Variants in TAF4 observed in about 807,000 individuals in gnomAD.
The protein encoded by TAF4 is TATA-box binding protein associated factor 4, also known as transcription initiation factor TFIID subunit 4.
Under a neutral mutation model 90.3 loss-of-function variants are expected in TAF4, and 9 were observed. That is an observed-to-expected ratio of 0.10 (90% confidence interval 0.06 to 0.17). The LOEUF (loss-of-function observed/expected upper bound fraction) is 0.17, where lower values mean the gene tolerates loss of function less well. Among genes scored for constraint, TAF4 ranks in the 10% least tolerant of loss-of-function variants. TAF4 has a pLI of 1.00. For missense variants in TAF4, 1,351 were observed against 1,370.7 expected (o/e 0.99, Z 0.23); for synonymous variants, 818 against 638.9 (o/e 1.28, Z -4.23).
intron 1 of TAF4, among the ~76,000 whole-genome samples, chr20:62,017,191 T>C (rs916037038): frequency 1.3e-5 from 2 of 151,760 alleles, no homozygotes; most frequent in Non-Finnish European, 2.9e-5. Flanking sequence ...AAGCCAATAA[T>C]GGACGCAGAC....
chr20:62,052,234 C>G (rs763840362), intron 1 of TAF4, among the ~76,000 whole-genome samples: 135 of 151,948 alleles, frequency 8.9e-4, no homozygotes, highest in Non-Finnish European at 8.8e-4. Context: ...CCCCCTCCCG[C>G]CCCACCCATC....
At chr20:62,033,033 G>A (rs2055913044) in intron 1 of TAF4, among the ~76,000 whole-genome samples, 1 of 152,130 alleles carries the variant, frequency 6.6e-6, no homozygotes, top group African/African-American at 2.4e-5. Flanking sequence ...AAGAGGGGAG[G>A]CAGCTGTCTG....
chr20:61,990,081 T>C (rs921966871), intron 14 of TAF4, among the ~76,000 whole-genome samples: 2 of 152,146 alleles, frequency 1.3e-5, no homozygotes, highest in Non-Finnish European at 2.9e-5. Context: ...CTGGGGGTGG[T>C]AGCATCAGTG....
intron 12 of TAF4, 71 bp downstream of exon 12, chr20:61,998,912 C>CT (rs1718064285): frequency 3.2e-6 from 5 of 1,582,906 alleles, no homozygotes; most frequent in Non-Finnish European, 3.4e-6. Flanking sequence ...ACCCCACTGT[C>CT]TCAGTGAGCT....
rs190067218 is a variant in TAF4 at position 62,059,286 on chromosome 20, G to C, written c.1360+5165C>G. Reference sequence around the variant, plus strand: ...TTCTCAAATGGGAGAGGGGCCTCATGGTGGACAACATGTATCTCTTTGTTT... The same window carrying C: ...TTCTCAAATGGGAGAGGGGCCTCATCGTGGACAACATGTATCTCTTTGTTT... On this transcript the variant is annotated intron_variant, in intron 1 of 14. Transcript: ENST00000252996. Among the ~76,000 whole-genome samples the C allele has an allele frequency of 1.8e-3, 279 of 152,326 alleles. 1 individual carries two copies. Among genetic ancestry groups the C allele is most frequent in the Middle Eastern group, 3.4e-3 (1 of 294 alleles).
chr20:62,060,304 G>A (rs1391557065), intron 1 of TAF4, among the ~76,000 whole-genome samples: 7 of 152,240 alleles, frequency 4.6e-5, no homozygotes, highest in African/African-American at 9.6e-5. Context: ...CAACCGTAAC[G>A]AACTTCAAAC....
intron 14 of TAF4, among the ~76,000 whole-genome samples, chr20:61,985,730 G>A (rs1334509143): frequency 1.3e-5 from 2 of 151,382 alleles, no homozygotes; most frequent in Non-Finnish European, 2.9e-5. Flanking sequence ...TGAGGCCTGA[G>A]GAGAAGTGAG....
At chr20:62,009,214 A>T in intron 4 of TAF4, 40 bp from the exon 5 acceptor site, 1 of 1,574,138 alleles carries the variant, frequency 6.4e-7, no homozygotes, top group South Asian at 1.2e-5. Context: ...AAATCTTAAA[A>T]GGCAGATTTT....
intron 1 of TAF4, among the ~76,000 whole-genome samples, chr20:62,024,140 C>T (rs1168651129): frequency 6.6e-6 from 1 of 152,118 alleles, no homozygotes; most frequent in African/African-American, 2.4e-5. Context: ...ATCAACACGG[C>T]CGTGCAGAGT....
intron 7 of TAF4, among the ~76,000 whole-genome samples, chr20:62,004,145 G>A (rs1316672288): frequency 6.6e-6 from 1 of 152,154 alleles, no homozygotes; most frequent in East Asian, 1.9e-4. Flanking sequence ...CTGCCTAGAA[G>A]CTGCCCCTGG....
intron 4 of TAF4, 39 bp from the exon 5 acceptor site, chr20:62,009,213 A>G (rs2055764417): frequency 6.4e-7 from 1 of 1,574,044 alleles, no homozygotes. Context: ...AAAATCTTAA[A>G]AGGCAGATTT....
chr20:61,990,673 C>A (rs2055625876), intron 14 of TAF4, among the ~76,000 whole-genome samples: 1 of 152,172 alleles, frequency 6.6e-6, no homozygotes, highest in African/African-American at 2.4e-5. Flanking sequence ...CACTGACCTG[C>A]CAGGGCTCCT....
At chr20:61,993,138 A>G (rs1311310297) in intron 14 of TAF4, among the ~76,000 whole-genome samples, 1 of 152,118 alleles carries the variant, frequency 6.6e-6, no homozygotes. Context: ...GAACACCCCA[A>G]AGAGGAAGTG....
intron 1 of TAF4, among the ~76,000 whole-genome samples, chr20:62,029,299 C>T (rs1600851355): frequency 1.3e-5 from 2 of 151,968 alleles, no homozygotes; most frequent in South Asian, 2.1e-4. Context: ...AGATAAAACT[C>T]GGAGGCAAGG....
intron 2 of TAF4, among the ~76,000 whole-genome samples, chr20:62,014,189 A>T (rs1319141538): frequency 6.6e-6 from 1 of 152,018 alleles, no homozygotes; most frequent in Admixed American, 6.6e-5. Flanking sequence ...TCCTAGCACC[A>T]TCTCTACTTT....
At chr20:62,000,898 T>C (rs2055696341) in intron 9 of TAF4, among the ~76,000 whole-genome samples, 177 bp from the exon 10 acceptor site, 1 of 152,232 alleles carries the variant, frequency 6.6e-6, no homozygotes, top group Non-Finnish European at 1.5e-5. Context: ...GCCTCGCTGC[T>C]TTCCTGGAAA....
chr20:62,030,301 A>G (rs2055897685), intron 1 of TAF4, among the ~76,000 whole-genome samples: 1 of 152,276 alleles, frequency 6.6e-6, no homozygotes, highest in African/African-American at 2.4e-5. Flanking sequence ...AGGACGACAC[A>G]GCAGCATCAC....
chr20:62,062,070 T>C (rs2056091888), intron 1 of TAF4, among the ~76,000 whole-genome samples: 2 of 152,216 alleles, frequency 1.3e-5, no homozygotes, highest in African/African-American at 2.4e-5. Context: ...CGTCTGCTAC[T>C]CCACTTGACA....
Position 62,064,677 on chromosome 20 carries a change from A to G in TAF4, c.1134T>C (p.Thr378=), listed in dbSNP as rs1476637342. The G allele has an allele frequency of 5.5e-6, 7 of 1,269,302 alleles. No homozygotes were observed. Among genetic ancestry groups the G allele is most frequent in the Admixed American group, 8.4e-5 (2 of 23,876 alleles). 78.6% of individuals were successfully genotyped at this position (1,269,302 alleles called of 1,614,324 possible). ...STAASMVIGP[T]MQGALPSPAA... is the part of the protein sequence containing the mutation. ...CCGGGCTGGGCAGCGCCCCTTGCAT[A>G]GTTGGCCCGATGACCATGCTGGCCG... Residue 378 remains threonine (T), a synonymous_variant, in exon 1 of 15, where the codon ACT becomes ACC. Coordinates refer to ENST00000252996, the MANE Select transcript of TAF4 (RefSeq NM_003185.4).
Sources: gnomAD v4.1 joint callset for allele counts (sites outside exome capture counted in the v4.1 genomes callset) on GRCh38, gnomAD v4.1.1 for gene constraint, MANE v1.5 for transcripts, NCBI Gene and HGNC (gene_info 2026-07-23, HGNC 2026-07-21) for gene names.